The following RBFOX1 variants were observed in gnomAD, a reference collection of about 807,000 sequenced individuals.
RBFOX1 encodes RNA binding protein fox-1 homolog 1.
Under a neutral mutation model 57.7 loss-of-function variants are expected in RBFOX1, and 8 were observed. The ratio of observed to expected loss-of-function variants is 0.14; its 90% CI spans 0.08 to 0.25. The LOEUF (loss-of-function observed/expected upper bound fraction) is 0.25, where lower values mean the gene tolerates loss of function less well. Among genes scored for constraint, RBFOX1 ranks in the 10% least tolerant of loss-of-function variants. RBFOX1 has a pLI of 1.00. For synonymous variants in RBFOX1, 326 were observed against 222.4 expected, an observed-to-expected ratio of 1.47 and a Z score of -4.15; for missense variants, 611 against 548.5, an observed-to-expected ratio of 1.11 and a Z score of -1.14.
chr16:6,483,263 C>G (rs369817072), intron 2 of RBFOX1: 11 of 1,307,668 alleles, frequency 8.4e-6, no homozygotes, highest in Middle Eastern at 3.0e-4. Context: ...TGTGCGCGCC[C>G]GGGTGTTGAT....
intron 3 of RBFOX1, among the ~76,000 whole-genome samples, chr16:6,950,940 C>G (rs1055121699): frequency 3.3e-5 from 5 of 151,464 alleles, no homozygotes; most frequent in Admixed American, 1.3e-4. Flanking sequence ...GGATCTTGCT[C>G]TGTTTCTCAG....
intron 2 of RBFOX1, among the ~76,000 whole-genome samples, chr16:6,595,085 C>A (rs960814634): frequency 4.6e-5 from 7 of 152,176 alleles, no homozygotes; most frequent in Non-Finnish European, 7.4e-5. Flanking sequence ...CCGCACCTGG[C>A]CTTCCGTGGT....
intron 1 of RBFOX1, among the ~76,000 whole-genome samples, chr16:6,082,545 C>G (rs1481553359): frequency 6.6e-6 from 1 of 151,536 alleles, no homozygotes; most frequent in East Asian, 2.0e-4. Context: ...TGTCTTTTCC[C>G]TTTCAAATAG....
chr16:6,035,073 A>T (rs898623793), intron 1 of RBFOX1, among the ~76,000 whole-genome samples: 1 of 148,844 alleles, frequency 6.7e-6, no homozygotes, highest in African/African-American at 2.5e-5. Context: ...ACACTGTAGG[A>T]TGTTTAATAG....
At chr16:7,176,690 C>A (rs945575058) in intron 4 of RBFOX1, among the ~76,000 whole-genome samples, 2 of 152,024 alleles carry the variant, frequency 1.3e-5, no homozygotes, top group East Asian at 3.9e-4. Context: ...GATCCTTGTT[C>A]TAGGTATTGA....
rs767726632 is a variant in RBFOX1 at position 6,371,435 on chromosome 16, G to T, written c.-64+54378G>T. The stretch of plus-strand genomic sequence containing the variant: ...TGTTTTTATTCTATGAACTACAATC[G>T]GTTACTTTCGTTATTTGTTTTGATG... On this transcript the variant is annotated intron_variant, in intron 2 of 15. Transcript: ENST00000550418. Among the ~76,000 whole-genome samples, 180 of 151,956 alleles carry T rather than the reference G, an allele frequency of 1.2e-3. 1 individual carries two copies. The highest frequency in any genetic ancestry group is 4.1e-3 in the African/African-American group (170 of 41,360).
chr16:5,554,756 G>A (rs1171977595), intron 2 of RBFOX1, among the ~76,000 whole-genome samples: 3 of 152,188 alleles, frequency 2.0e-5, no homozygotes, highest in Non-Finnish European at 2.9e-5. Flanking sequence ...ACAAAGAGAA[G>A]CAAGGAATGA....
intron 3 of RBFOX1, among the ~76,000 whole-genome samples, chr16:6,699,770 G>A (rs182829302): frequency 2.6e-5 from 4 of 152,210 alleles, no homozygotes; most frequent in African/African-American, 4.8e-5. Flanking sequence ...GGGATAATGA[G>A]GCATAAGGAC....
intron 1 of RBFOX1, among the ~76,000 whole-genome samples, chr16:6,264,072 A>T (rs1487947250): frequency 6.6e-6 from 1 of 152,158 alleles, no homozygotes; most frequent in Non-Finnish European, 1.5e-5. Flanking sequence ...GGGATTCGAT[A>T]ACCTTACTTT....
intron 4 of RBFOX1, among the ~76,000 whole-genome samples, chr16:7,319,290 A>G (rs181657622): frequency 2.4e-4 from 36 of 152,300 alleles, no homozygotes; most frequent in Non-Finnish European, 3.8e-4. Context: ...ATGTAAATGA[A>G]TGTGGTAAAT....
In RBFOX1 at chr16:6,669,459, G is replaced by A. The variant is rs763342079; in HGVS notation, c.-16+14809G>A. Among the ~76,000 whole-genome samples, 4 of 151,994 alleles carry A rather than the reference G, an allele frequency of 2.6e-5. 1 individual carries two copies. The highest frequency in any genetic ancestry group is 9.7e-5 in the African/African-American group (4 of 41,382). On this transcript the variant is annotated intron_variant, in intron 3 of 15. Transcript: ENST00000550418. ...TATCAGAATTTGCAGATCAACCAGAGGTTTTTCATATTTTCTTTGTTTTTT... is the reference window on the plus strand; with the variant it reads ...TATCAGAATTTGCAGATCAACCAGAAGTTTTTCATATTTTCTTTGTTTTTT...
chr16:7,107,199 G>A (rs975924474), intron 4 of RBFOX1, among the ~76,000 whole-genome samples: 2 of 152,124 alleles, frequency 1.3e-5, no homozygotes, highest in South Asian at 2.1e-4. Flanking sequence ...GAGATTGCTG[G>A]GTTCAAAGAC....
chr16:7,489,606 C>T (rs543686723), intron 4 of RBFOX1, among the ~76,000 whole-genome samples: 1 of 152,154 alleles, frequency 6.6e-6, no homozygotes, highest in South Asian at 2.1e-4. Context: ...GCCTCGAACT[C>T]CCGGACTCAA....
At chr16:5,494,051 G>A (rs892802061) in intron 2 of RBFOX1, among the ~76,000 whole-genome samples, 1 of 152,204 alleles carries the variant, frequency 6.6e-6, no homozygotes, top group Non-Finnish European at 1.5e-5. Context: ...TAATGGAGCA[G>A]GAGGTGGGGT....
intron 14 of RBFOX1, among the ~76,000 whole-genome samples, chr16:7,678,573 AGATTT>A (rs758955450): frequency 9.2e-5 from 14 of 152,156 alleles, no homozygotes; most frequent in East Asian, 3.8e-4. Flanking sequence ...AATCTTAAAC[AGATTT>A]GATTTATCTT....
chr16:5,593,883 C>A (rs977094951), intron 2 of RBFOX1, among the ~76,000 whole-genome samples: 1 of 152,144 alleles, frequency 6.6e-6, no homozygotes, highest in Non-Finnish European at 1.5e-5. Flanking sequence ...TGGATCGGGA[C>A]CCCTTTCCTG....
intron 3 of RBFOX1, among the ~76,000 whole-genome samples, chr16:6,845,679 G>T (rs913281451): frequency 2.6e-5 from 4 of 152,104 alleles, no homozygotes; most frequent in African/African-American, 9.7e-5. Flanking sequence ...AAATTTCAGA[G>T]ATCTCACCAG....
chr16:6,780,916 G>C (rs1266036879), intron 3 of RBFOX1, among the ~76,000 whole-genome samples: 1 of 151,952 alleles, frequency 6.6e-6, no homozygotes, highest in Non-Finnish European at 1.5e-5. Context: ...GTGGGTAGTT[G>C]GCAAATGTTT....
chr16:6,741,322 G>T (rs1238699564), intron 3 of RBFOX1, among the ~76,000 whole-genome samples: 3 of 152,082 alleles, frequency 2.0e-5, no homozygotes, highest in African/African-American at 4.8e-5. Flanking sequence ...AGAGCTCGGT[G>T]ACATGCCACC....
Sources: allele counts gnomAD v4.1 joint callset (sites outside exome capture counted in the v4.1 genomes callset), GRCh38; gene constraint gnomAD v4.1.1; transcripts MANE v1.5; gene names NCBI Gene and HGNC (gene_info 2026-07-23, HGNC 2026-07-21).